SIMC1: variants seen among roughly 807,000 people sequenced by gnomAD.
The protein encoded by SIMC1 is SUMO-interacting motif-containing protein 1.
In SIMC1, 55 loss-of-function variants were observed where a neutral mutation model predicts 82.3. The observed-to-expected ratio is 0.67, with a 90% confidence interval of 0.54 to 0.84. The LOEUF (loss-of-function observed/expected upper bound fraction) is 0.84. Ranked by LOEUF, SIMC1 falls within the 40% of genes least tolerant of loss-of-function variation. The pLI is 0.00. For missense variants in SIMC1, 915 were observed against 1,107.2 expected, an observed-to-expected ratio of 0.83 and a Z score of 2.46; for synonymous variants, 353 against 426.3, an observed-to-expected ratio of 0.83 and a Z score of 2.12.
intron 6 of SIMC1, 29 bp downstream of exon 6, chr5:176,322,454 G>A: frequency 1.9e-6 from 3 of 1,592,428 alleles, no homozygotes; most frequent in South Asian, 2.3e-5. Flanking sequence ...TCTTTCCTGG[G>A]GCTCTTGGGG....
chr5:176,308,758 C>T (rs1764535630), intron 4 of SIMC1: 2 of 1,352,802 alleles, frequency 1.5e-6, no homozygotes. Context: ...CTTGAATCAG[C>T]AGTAGAGCTG....
chr5:176,271,085 G>A (rs1171150898), intron 1 of SIMC1, among the ~76,000 whole-genome samples: 2 of 152,136 alleles, frequency 1.3e-5, no homozygotes, highest in Non-Finnish European at 2.9e-5. Context: ...GTAAAGAGGG[G>A]CCAGGCATGG....
intron 1 of SIMC1, among the ~76,000 whole-genome samples, chr5:176,252,502 G>C (rs924836812): frequency 6.6e-6 from 1 of 151,420 alleles, no homozygotes; most frequent in Non-Finnish European, 1.5e-5. Flanking sequence ...ATCCCAGACG[G>C]GGTGGCGGGG....
At chr5:176,309,934 C>CA (rs3067018) in intron 4 of SIMC1, among the ~76,000 whole-genome samples, 3 of 151,004 alleles carry the variant, frequency 2.0e-5, no homozygotes, top group Admixed American at 6.6e-5. Context: ...GGCCTTGTCT[C>CA]AAAAAAAAGG....
chr5:176,307,987 A>C, intron 4 of SIMC1: 1 of 619,708 alleles, frequency 1.6e-6, no homozygotes, highest in South Asian at 1.8e-5. Flanking sequence ...GAAATAACCC[A>C]AATGTCCATC....
At chr5:176,252,226 ACCTC>A (rs1761689680) in intron 1 of SIMC1, among the ~76,000 whole-genome samples, 1 of 136,332 alleles carries the variant, frequency 7.3e-6, no homozygotes, top group Non-Finnish European at 1.6e-5. Context: ...CGCCCCCCCC[ACCTC>A]CCTCCCGGAC....
intron 5 of SIMC1, among the ~76,000 whole-genome samples, chr5:176,315,397 C>A (rs1764854639): frequency 6.6e-6 from 1 of 152,196 alleles, no homozygotes; most frequent in Admixed American, 6.5e-5. Flanking sequence ...ATGACCCAAA[C>A]ATCTTCCACT....
chr5:176,311,902 A>G (rs1010833265), intron 4 of SIMC1, among the ~76,000 whole-genome samples: 2 of 152,166 alleles, frequency 1.3e-5, no homozygotes, highest in African/African-American at 4.8e-5. Flanking sequence ...AAAGTTTGGG[A>G]GATGAAAAGG....
At chr5:176,251,350 G>C (rs1046481859) in intron 1 of SIMC1, among the ~76,000 whole-genome samples, 1 of 152,096 alleles carries the variant, frequency 6.6e-6, no homozygotes, top group South Asian at 2.1e-4. Context: ...CAGAGCAAGC[G>C]AGACTCCACC....
At position 176,290,523 on chromosome 5, in the gene SIMC1, G is replaced by A. The variant is rs1391627539; in HGVS notation, c.999G>A (p.Gly333=). Residue 333 remains glycine, a synonymous_variant, in exon 2 of 10, where the codon GGG becomes GGA. Coordinates refer to ENST00000429602, the MANE Select transcript of SIMC1 (RefSeq NM_001308195.2). ...SPSPDAPQSP[G]GMPHLPGDVL... ...CACCAGATGCACCACAGTCACCAGG[G>A]GGCATGCCACACTTACCGGGAGATG... is the stretch of plus-strand genomic sequence containing the variant. The A allele has an allele frequency of 5.0e-6, 8 of 1,613,854 alleles. No homozygotes were observed. The highest frequency in any genetic ancestry group is 1.1e-5 in the South Asian group (1 of 91,068).
At chr5:176,316,255 G>A (rs567487463) in intron 5 of SIMC1, among the ~76,000 whole-genome samples, 41 of 152,114 alleles carry the variant, frequency 2.7e-4, no homozygotes, top group African/African-American at 9.4e-4. Context: ...TATGCTTTGC[G>A]AGCCTAGGCA....
At chr5:176,258,300 G>A (rs1426888919) in intron 1 of SIMC1, among the ~76,000 whole-genome samples, 3 of 151,546 alleles carry the variant, frequency 2.0e-5, no homozygotes, top group Non-Finnish European at 4.4e-5. Flanking sequence ...AACCCCATGA[G>A]GTAGGTAGTA....
At chr5:176,249,680 A>C (rs1333612450) in intron 1 of SIMC1, among the ~76,000 whole-genome samples, 1 of 151,924 alleles carries the variant, frequency 6.6e-6, no homozygotes, top group Non-Finnish European at 1.5e-5. Flanking sequence ...CTCTACTAAA[A>C]ATACAAAAAC....
At chr5:176,252,773 G>A (rs998923624) in intron 1 of SIMC1, among the ~76,000 whole-genome samples, 5 of 152,226 alleles carry the variant, frequency 3.3e-5, no homozygotes, top group Admixed American at 6.5e-5. Flanking sequence ...CGGCACTTTG[G>A]GGGGCCAAGG....
At chr5:176,310,415 C>T (rs1320127872) in intron 4 of SIMC1, among the ~76,000 whole-genome samples, 2 of 152,172 alleles carry the variant, frequency 1.3e-5, no homozygotes, top group Non-Finnish European at 1.5e-5. Context: ...AGATGTCCTA[C>T]AACAGGTACG....
At chr5:176,261,443 T>A (rs1762012319) in intron 1 of SIMC1, among the ~76,000 whole-genome samples, 1 of 152,204 alleles carries the variant, frequency 6.6e-6, no homozygotes, top group African/African-American at 2.4e-5. Flanking sequence ...TAAATTTTTG[T>A]TATAAAAGGT....
intron 1 of SIMC1, among the ~76,000 whole-genome samples, chr5:176,275,479 G>A (rs971504207): frequency 1.6e-4 from 24 of 151,856 alleles, no homozygotes; most frequent in East Asian, 7.7e-4. Context: ...TCTCCTGCCT[G>A]ATTGCCCTGG....
intron 1 of SIMC1, among the ~76,000 whole-genome samples, chr5:176,260,282 CATAAGAAT>C (rs1480139079): frequency 3.9e-5 from 6 of 152,000 alleles, no homozygotes; most frequent in Non-Finnish European, 8.8e-5. Context: ...GATGCAAAGG[CATAAGAAT>C]GACTTTGGCG....
rs371359053 is a variant in SIMC1 at position 176,331,838 on chromosome 5, G to A, written c.2172-4882G>A. ...ACAAAAATTAGCCAGGTGTGGTGGC[G>A]GGCGCCTGTAATCTCAGCTACTCAG... is the stretch of plus-strand genomic sequence containing the variant. On this transcript the variant is annotated intron_variant, in intron 7 of 9. Transcript: ENST00000429602. 4.0e-5 allele frequency among the ~76,000 whole-genome samples: 6 copies of A among 151,754 alleles called. No individual in the cohort carries two copies. The East Asian group carries it at 5.9e-4, about 15-fold the overall frequency.
Sources: allele counts gnomAD v4.1 joint callset (sites outside exome capture counted in the v4.1 genomes callset), GRCh38; gene constraint gnomAD v4.1.1; transcripts MANE v1.5; gene names NCBI Gene and HGNC (gene_info 2026-07-23, HGNC 2026-07-21).